The following SLC24A2 variants were observed in gnomAD, a reference collection of about 807,000 sequenced individuals.
The protein encoded by SLC24A2 is solute carrier family 24 member 2.
In SLC24A2, 36 loss-of-function variants were observed where a neutral mutation model predicts 62.0. That is an observed-to-expected ratio of 0.58 (90% CI 0.44 to 0.77). SLC24A2 has a LOEUF of 0.77. Among genes scored for constraint, SLC24A2 ranks in the 30% least tolerant of loss-of-function variants. The probability of loss-of-function intolerance (pLI) is 0.00; values close to 1 mark genes in which losing one functional copy is unlikely to be tolerated. For synonymous variants in SLC24A2, 358 were observed against 294.0 expected, an observed-to-expected ratio of 1.22 and a Z score of -2.23; for missense variants, 846 against 817.9, an observed-to-expected ratio of 1.03 and a Z score of -0.42.
At chr9:20,281,300 C>T in the SLC24A2 span, among the ~76,000 whole-genome samples, 1 of 152,280 alleles carries the variant, frequency 6.6e-6, no homozygotes, top group Non-Finnish European at 1.5e-5. Context: ...TTTAAGGAAA[C>T]TATAAACTTT....
intron 9 of SLC24A2, among the ~76,000 whole-genome samples, chr9:19,522,436 G>A (rs941572270): frequency 6.6e-6 from 1 of 152,074 alleles, no homozygotes; most frequent in Non-Finnish European, 1.5e-5. Context: ...AAATTTAAAG[G>A]GCCAAAATAG....
the SLC24A2 span, among the ~76,000 whole-genome samples, chr9:20,203,537 T>C: frequency 3.3e-5 from 5 of 152,170 alleles, no homozygotes; most frequent in Non-Finnish European, 5.9e-5. Flanking sequence ...TAACAGTCCA[T>C]GCTACTAATT....
chr9:20,275,777 CG>C, the SLC24A2 span, among the ~76,000 whole-genome samples: 4 of 152,228 alleles, frequency 2.6e-5, no homozygotes. Context: ...CAATTTGATG[CG>C]GCTGGGGAGG....
the SLC24A2 span, among the ~76,000 whole-genome samples, chr9:19,801,922 A>C: frequency 1.3e-5 from 2 of 152,198 alleles, no homozygotes; most frequent in African/African-American, 4.8e-5. Context: ...TCCTTTATTA[A>C]AGATAATTCT....
At chr9:19,815,712 T>A in the SLC24A2 span, among the ~76,000 whole-genome samples, 1 of 152,142 alleles carries the variant, frequency 6.6e-6, no homozygotes, top group African/African-American at 2.4e-5. Flanking sequence ...AATTCTTTCA[T>A]ATATATGGTT....
chr9:19,549,104 C>T (rs962703011), intron 8 of SLC24A2, among the ~76,000 whole-genome samples: 4 of 152,160 alleles, frequency 2.6e-5, no homozygotes, highest in East Asian at 3.9e-4. Flanking sequence ...GATGTTGTTG[C>T]GTTCGGAGCA....
the SLC24A2 span, among the ~76,000 whole-genome samples, chr9:20,077,510 A>G: frequency 1.3e-5 from 2 of 152,180 alleles, no homozygotes; most frequent in Admixed American, 6.5e-5. Flanking sequence ...GGCGCTCTAC[A>G]GTGTGGGGCC....
At chr9:19,890,693 T>C in the SLC24A2 span, among the ~76,000 whole-genome samples, 158 of 152,278 alleles carry the variant, frequency 1.0e-3, no homozygotes, top group African/African-American at 3.4e-3. Flanking sequence ...ATTTACTGTT[T>C]TGATACAGGA....
intron 6 of SLC24A2, among the ~76,000 whole-genome samples, chr9:19,576,273 A>G (rs553930599): frequency 6.6e-6 from 1 of 152,234 alleles, no homozygotes; most frequent in Non-Finnish European, 1.5e-5. Context: ...TAAGAGAGCT[A>G]TATTATAGTT....
intron 2 of SLC24A2, among the ~76,000 whole-genome samples, chr9:19,697,257 G>C (rs1820219716): frequency 6.6e-6 from 1 of 152,046 alleles, no homozygotes; most frequent in African/African-American, 2.4e-5. Context: ...CACATGGTGG[G>C]GAACAACACA....
the SLC24A2 span, among the ~76,000 whole-genome samples, chr9:20,275,866 G>A: frequency 6.6e-6 from 1 of 152,112 alleles, no homozygotes; most frequent in African/African-American, 2.4e-5. Context: ...CACGTGTGAG[G>A]GAACTCCCCT....
At chr9:19,574,033 T>A (rs950975975) in intron 6 of SLC24A2, among the ~76,000 whole-genome samples, 1 of 152,184 alleles carries the variant, frequency 6.6e-6, no homozygotes, top group Admixed American at 6.5e-5. Flanking sequence ...GTTGCTATCT[T>A]AGGCTAGTTC....
the SLC24A2 span, among the ~76,000 whole-genome samples, chr9:20,084,993 CTGTT>C: frequency 6.6e-6 from 1 of 151,992 alleles, no homozygotes; most frequent in Non-Finnish European, 1.5e-5. Context: ...AAGGTCTGTT[CTGTT>C]TGTTTTGTTT....
chr9:20,245,304 A>G, the SLC24A2 span, among the ~76,000 whole-genome samples: 28 of 152,226 alleles, frequency 1.8e-4, 1 homozygote, highest in Non-Finnish European at 2.9e-5. Context: ...AGGAGCAGTT[A>G]TTTCCACAGA....
At chr9:20,027,533 G>C in the SLC24A2 span, among the ~76,000 whole-genome samples, 1 of 152,136 alleles carries the variant, frequency 6.6e-6, no homozygotes, top group Admixed American at 6.6e-5. Context: ...ATTACGTTAA[G>C]TAAAATAAGC....
chr9:20,050,240 C>CA, the SLC24A2 span, among the ~76,000 whole-genome samples: 9,954 of 59,492 alleles, frequency 0.17, 518 homozygotes, highest in East Asian at 0.24. Flanking sequence ...CCCGTCTCTA[C>CA]AAAAAAAAAA....
chr9:20,101,598 C>G, the SLC24A2 span, among the ~76,000 whole-genome samples: 4 of 152,134 alleles, frequency 2.6e-5, no homozygotes, highest in Admixed American at 1.3e-4. Context: ...ACTCAGACAT[C>G]TCTGGGGTGG....
chr9:19,964,121 A>T, the SLC24A2 span, among the ~76,000 whole-genome samples: 2 of 151,096 alleles, frequency 1.3e-5, no homozygotes, highest in Non-Finnish European at 3.0e-5. Context: ...TCGCAAGGAC[A>T]AAAAACCAAA....
chr9:20,027,973 G>A, the SLC24A2 span, among the ~76,000 whole-genome samples: 1 of 152,134 alleles, frequency 6.6e-6, no homozygotes, highest in African/African-American at 2.4e-5. Flanking sequence ...GCCTGCAGTT[G>A]GTTGTCGTTA....
Sources: allele counts gnomAD v4.1 joint callset (sites outside exome capture counted in the v4.1 genomes callset), GRCh38; gene constraint gnomAD v4.1.1; transcripts MANE v1.5; gene names NCBI Gene and HGNC (gene_info 2026-07-23, HGNC 2026-07-21).